SPRED2: variants seen among roughly 807,000 people sequenced by gnomAD.
SPRED2 encodes sprouty-related, EVH1 domain-containing protein 2.
A neutral mutation model predicts 43.0 loss-of-function variants in SPRED2; 47 were observed. The observed-to-expected ratio is 1.09, with a 90% CI of 0.87 to 1.40. SPRED2 has a LOEUF of 1.40. SPRED2 is among the 40% of genes most tolerant of loss of function. The pLI is 0.00. For synonymous variants in SPRED2, 225 were observed against 225.7 expected, an observed-to-expected ratio of 1.00 and a Z score of 0.03; for missense variants, 561 against 586.4, an observed-to-expected ratio of 0.96 and a Z score of 0.45.
chr2:65,356,320 C>G (rs957701163), intron 1 of SPRED2, among the ~76,000 whole-genome samples: 8 of 152,192 alleles, frequency 5.3e-5, no homozygotes, highest in African/African-American at 1.9e-4. Flanking sequence ...TAATTGCAGA[C>G]TTGAGGTGGT....
intron 1 of SPRED2, among the ~76,000 whole-genome samples, chr2:65,351,911 T>C (rs1258255289): frequency 6.6e-6 from 1 of 152,200 alleles, no homozygotes; most frequent in African/African-American, 2.4e-5. Context: ...TTTGGAAGTT[T>C]ATATATTCTG....
At chr2:65,347,566 C>A (rs367928677) in intron 1 of SPRED2, among the ~76,000 whole-genome samples, 1 of 152,082 alleles carries the variant, frequency 6.6e-6, no homozygotes, top group African/African-American at 2.4e-5. Flanking sequence ...ACCATGCCTA[C>A]GCTTTGTACC....
intron 1 of SPRED2, among the ~76,000 whole-genome samples, chr2:65,409,405 A>G (rs1004860626): frequency 6.6e-6 from 1 of 152,228 alleles, no homozygotes; most frequent in East Asian, 1.9e-4. Context: ...TAAATAATAG[A>G]CTAAAATTAA....
At chr2:65,335,072 G>C (rs1673924256) in intron 2 of SPRED2, among the ~76,000 whole-genome samples, 1 of 152,104 alleles carries the variant, frequency 6.6e-6, no homozygotes, top group South Asian at 2.1e-4. Context: ...TTGGGTCTTG[G>C]CTGTATTTCA....
intron 3 of SPRED2, among the ~76,000 whole-genome samples, chr2:65,333,257 C>T (rs1293585026): frequency 2.7e-5 from 3 of 109,222 alleles, no homozygotes; most frequent in Non-Finnish European, 3.7e-5. Flanking sequence ...GAGACTCCAT[C>T]TCAAAAAAAA....
chr2:65,388,598 G>A (rs1675559353), intron 1 of SPRED2, among the ~76,000 whole-genome samples: 1 of 152,148 alleles, frequency 6.6e-6, no homozygotes, highest in Non-Finnish European at 1.5e-5. Context: ...GCTCTTAGGG[G>A]CTGTTATCAA....
chr2:65,401,938 CACACA>C (rs1558685729), intron 1 of SPRED2, among the ~76,000 whole-genome samples: 14 of 32,622 alleles, frequency 4.3e-4, no homozygotes, highest in African/African-American at 3.5e-3. Context: ...CGCGCGCGCG[CACACA>C]CACACACACA....
chr2:65,386,285 C>CAAAAAAAAA (rs761665293), intron 1 of SPRED2, among the ~76,000 whole-genome samples: 1 of 55,480 alleles, frequency 1.8e-5, no homozygotes, highest in Non-Finnish European at 3.0e-5. Flanking sequence ...GACTCTGTCT[C>CAAAAAAAAA]AAAAAAAAAA....
intron 1 of SPRED2, among the ~76,000 whole-genome samples, chr2:65,358,206 C>T (rs1674712638): frequency 6.6e-6 from 1 of 152,064 alleles, no homozygotes; most frequent in Non-Finnish European, 1.5e-5. Flanking sequence ...TATGAAGTTT[C>T]CAGGAGTGAA....
At chr2:65,334,464 C>T in intron 3 of SPRED2, 141 bp downstream of exon 3, 1 of 920,614 alleles carries the variant, frequency 1.1e-6, no homozygotes, top group Non-Finnish European at 1.7e-6. Flanking sequence ...CTTGGAAATT[C>T]CAAAAGTTTT....
At chr2:65,329,167 C>G (rs1371917273) in intron 4 of SPRED2, among the ~76,000 whole-genome samples, 3 of 152,158 alleles carry the variant, frequency 2.0e-5, no homozygotes, top group Non-Finnish European at 4.4e-5. Context: ...ATCTGTCTTA[C>G]CAGTAAGTTT....
intron 1 of SPRED2, among the ~76,000 whole-genome samples, chr2:65,414,650 C>T (rs1676232347): frequency 6.6e-6 from 1 of 152,210 alleles, no homozygotes; most frequent in South Asian, 2.1e-4. Flanking sequence ...GAGGTTCCAA[C>T]CCCTTGTCAA....
chr2:65,335,135 C>A lies in SPRED2; in HGVS notation c.205-362G>T, dbSNP rs578038564. Among the ~76,000 whole-genome samples the A allele has an allele frequency of 7.0e-4, 106 of 152,280 alleles. 3 individuals are homozygous for A. The South Asian group carries it at 0.022, about 31-fold the overall frequency. On this transcript the variant is annotated intron_variant, in intron 2 of 5. Transcript: ENST00000356388. The stretch of plus-strand genomic sequence containing the variant: ...ATATTGATGGTCATCTAGCTTCCCT[C>A]CCCCGAGGCTCCAAATTCCAAAAGT...
At chr2:65,368,691 T>C (rs1192108392) in intron 1 of SPRED2, among the ~76,000 whole-genome samples, 1 of 152,210 alleles carries the variant, frequency 6.6e-6, no homozygotes, top group African/African-American at 2.4e-5. Context: ...CATACTGTTC[T>C]TGCAACATTT....
At chr2:65,388,777 AC>A (rs1244173584) in intron 1 of SPRED2, among the ~76,000 whole-genome samples, 1 of 152,164 alleles carries the variant, frequency 6.6e-6, no homozygotes, top group Non-Finnish European at 1.5e-5. Flanking sequence ...TTTCCTAGGT[AC>A]CCAAAGCAAA....
intron 1 of SPRED2, among the ~76,000 whole-genome samples, chr2:65,374,560 G>A (rs886649568): frequency 3.9e-5 from 6 of 152,188 alleles, no homozygotes; most frequent in Non-Finnish European, 8.8e-5. Flanking sequence ...CATGATTCCA[G>A]AATAAGAAAA....
chr2:65,398,196 T>C (rs1675801854), intron 1 of SPRED2, among the ~76,000 whole-genome samples: 1 of 152,190 alleles, frequency 6.6e-6, no homozygotes, highest in South Asian at 2.1e-4. Context: ...ATGTAGAGAA[T>C]GAAACTGGAT....
intron 1 of SPRED2, among the ~76,000 whole-genome samples, chr2:65,412,414 G>C (rs1265964347): frequency 1.3e-5 from 2 of 152,220 alleles, no homozygotes; most frequent in African/African-American, 2.4e-5. Context: ...TTGCACGCCA[G>C]ATTCTGGACA....
chr2:65,403,280 T>C (rs753468967), intron 1 of SPRED2, among the ~76,000 whole-genome samples: 7 of 152,200 alleles, frequency 4.6e-5, no homozygotes, highest in Non-Finnish European at 8.8e-5. Flanking sequence ...AGACATCCAT[T>C]TCCTTTAAAA....
Sources: gnomAD v4.1 joint callset for allele counts (sites outside exome capture counted in the v4.1 genomes callset) on GRCh38, gnomAD v4.1.1 for gene constraint, MANE v1.5 for transcripts, NCBI Gene and HGNC (gene_info 2026-07-23, HGNC 2026-07-21) for gene names.